NECTIN4: variants seen among roughly 807,000 people sequenced by gnomAD.
The protein encoded by NECTIN4 is nectin cell adhesion molecule 4.
In NECTIN4, 19 loss-of-function variants were observed where a neutral mutation model predicts 51.7. The observed-to-expected ratio is 0.37, with a 90% CI of 0.26 to 0.54. NECTIN4 has a LOEUF of 0.54. Among genes scored for constraint, NECTIN4 ranks in the 20% least tolerant of loss-of-function variants. The pLI is 0.86. For missense variants in NECTIN4, 619 were observed against 662.4 expected (o/e 0.93, Z 0.72); for synonymous variants, 283 against 286.9 (o/e 0.99, Z 0.14).
At chr1:161,079,161 C>G (rs921269630) in intron 2 of NECTIN4, among the ~76,000 whole-genome samples, 3 of 152,182 alleles carry the variant, frequency 2.0e-5, no homozygotes, top group African/African-American at 4.8e-5. Flanking sequence ...TACCATGGAG[C>G]ACAGGATGGT....
At chr1:161,082,024 G>C (rs1653699889) in intron 1 of NECTIN4, among the ~76,000 whole-genome samples, 2 of 152,106 alleles carry the variant, frequency 1.3e-5, no homozygotes, top group Admixed American at 1.3e-4. Flanking sequence ...GAGACAGAAG[G>C]AAAGTGTAGA....
chr1:161,073,034 C>G lies in NECTIN4; in HGVS notation c.1309-149G>C. ...GCATAGGGGCCCAGAGATCGGGGAC[C>G]AGGAACAAGTGTTAGGCATGGGGAG... On this transcript the variant is annotated intron_variant, in intron 8 of 8. Transcript: ENST00000368012. The G allele has an allele frequency of 3.2e-6, 3 of 936,872 alleles. No individual in the cohort carries two copies. The South Asian group carries it at 4.2e-5, about 13-fold the overall frequency. The allele number at this position is 936,872 out of a possible 1,614,324, so 58.0% of individuals were successfully genotyped here. A position where few individuals can be genotyped will look rare whatever the true frequency, so the allele number is the denominator to read the frequency against.
intron 2 of NECTIN4, among the ~76,000 whole-genome samples, chr1:161,079,305 T>A (rs1216065424): frequency 6.6e-6 from 1 of 152,190 alleles, no homozygotes; most frequent in Non-Finnish European, 1.5e-5. Flanking sequence ...GAAAAGAGAA[T>A]AAGCCAGTGC....
chr1:161,078,507 C>A (rs1315120102), intron 2 of NECTIN4, among the ~76,000 whole-genome samples: 1 of 151,752 alleles, frequency 6.6e-6, no homozygotes, highest in East Asian at 1.9e-4. Flanking sequence ...GGGGTTTCAC[C>A]ATGTTGGCCA....
Position 161,079,822 on chromosome 1 carries a change from C to G in NECTIN4, c.207G>C (p.Arg69=). The stretch of plus-strand genomic sequence containing the variant: ...CCTGGGCGCCTTCGCCCGCGTCCAC[C>G]CGAGCCCATGCCACTTGCCCCACTT... ...GEQVGQVAWA[R]VDAGEGAQEL... The change falls in exon 2 of 9, where the codon CGG becomes CGC. Residue 69 remains arginine (R), a synonymous_variant. Coordinates refer to ENST00000368012, the MANE Select transcript of NECTIN4 (RefSeq NM_030916.3). The G allele has an allele frequency of 6.2e-7, 1 of 1,613,782 alleles. No individual in the cohort carries two copies. The highest frequency in any genetic ancestry group is 2.2e-5 in the East Asian group (1 of 44,882).
chr1:161,078,754 G>C (rs1474279142), intron 2 of NECTIN4, among the ~76,000 whole-genome samples: 3 of 151,998 alleles, frequency 2.0e-5, no homozygotes, highest in African/African-American at 7.2e-5. Context: ...GCTCACGCCT[G>C]TAATCCCAGC....
In NECTIN4 at chr1:161,074,759, C is replaced by A. The variant is rs151008073; in HGVS notation, c.852G>T (p.Arg284=). The A allele has an allele frequency of 3.4e-3, 5,527 of 1,613,246 alleles. 11 individuals are homozygous for A. Among genetic ancestry groups the A allele is most frequent in the Non-Finnish European group, 4.1e-3 (4,894 of 1,179,862 alleles). The change falls in exon 5 of 9, where the codon CGG becomes CGT. Residue 284 remains arginine (R), a splice_region_variant and synonymous_variant. Coordinates refer to ENST00000368012, the MANE Select transcript of NECTIN4 (RefSeq NM_030916.3). ...CCCCACTGGGCAGAGGCCCATCCAG[C>A]CTGGAAGACAGGGAAGCTGAAGGGT... is the stretch of plus-strand genomic sequence containing the variant. ...GQPPPSYNWT[R]LDGPLPSGVR... is the part of the protein sequence containing the mutation.
In NECTIN4 at chr1:161,089,289, AG is replaced by A; in HGVS notation, c.7del (p.Leu3CysfsTer38). Reference sequence around the variant, plus strand: ...CCCCCACATCTCGGCTCCCAGGGACAGGGGCATGGTTGAAAGGCAGACTGCC... The same window carrying A: ...CCCCCACATCTCGGCTCCCAGGGACAGGGCATGGTTGAAAGGCAGACTGCC... MP[L>X]SLGAEMWGPE... On this transcript the variant is annotated frameshift_variant, in exon 1 of 9. Coordinates refer to ENST00000368012, the MANE Select transcript of NECTIN4 (RefSeq NM_030916.3). LOFTEE classifies it high-confidence loss of function. The surrounding 1 kb of genome is among the most constrained non-coding windows in gnomAD (Gnocchi z 4.1). The A allele has an allele frequency of 6.2e-7, 1 of 1,609,912 alleles. No individual in the cohort carries two copies.
chr1:161,078,944 G>A (rs997490961), intron 2 of NECTIN4, among the ~76,000 whole-genome samples: 11 of 152,202 alleles, frequency 7.2e-5, no homozygotes, highest in African/African-American at 2.6e-4. Flanking sequence ...CCCGGGAGGC[G>A]GAGCTTGCAG....
chr1:161,080,159 G>C (rs1377393046), intron 1 of NECTIN4, among the ~76,000 whole-genome samples: 1 of 152,194 alleles, frequency 6.6e-6, no homozygotes, highest in Non-Finnish European at 1.5e-5. Context: ...AGGAAACTGA[G>C]ACCCAGAGAG....
At chr1:161,075,905 A>C (rs1653394228) in intron 4 of NECTIN4, among the ~76,000 whole-genome samples, 1 of 151,984 alleles carries the variant, frequency 6.6e-6, no homozygotes, top group Non-Finnish European at 1.5e-5. Context: ...GTAAAACCCC[A>C]TCTCTACTAA....
At chr1:161,085,398 TG>T (rs909014509) in intron 1 of NECTIN4, among the ~76,000 whole-genome samples, 1 of 152,108 alleles carries the variant, frequency 6.6e-6, no homozygotes, top group Non-Finnish European at 1.5e-5. Context: ...AGCCACACTG[TG>T]GGTGGGAGAA....
Position 161,072,780 on chromosome 1 carries a change from C to T in NECTIN4, c.1414G>A (p.Glu472Lys), listed in dbSNP as rs780921374. ...SPGSGRAEEEEDQDEGIKQAM... is the reference protein window; with the variant it reads ...SPGSGRAEEEKDQDEGIKQAM... ...TGTTTGATGCCTTCATCCTGATCTT[C>T]CTCCTCCTCGGCCCGCCCAGAGCCT... is the stretch of plus-strand genomic sequence containing the variant. Residue 472 changes from glutamate to lysine, a missense_variant, in exon 9 of 9, where the codon GAA becomes AAA. Physicochemically the swap from Glu to Lys is moderately conservative, Grantham distance 56. This residue lies in a region of NECTIN4 where 364 missense variants were observed against 415.7 expected (regional missense o/e 0.88). Transcript: ENST00000368012. 2 of 1,614,124 alleles carry T rather than the reference C, an allele frequency of 1.2e-6. No homozygotes were observed. Among genetic ancestry groups the T allele is most frequent in the African/African-American group, 2.7e-5 (2 of 74,940 alleles).
At chr1:161,082,577 G>C (rs574927526) in intron 1 of NECTIN4, among the ~76,000 whole-genome samples, 4 of 152,104 alleles carry the variant, frequency 2.6e-5, no homozygotes, top group Admixed American at 6.5e-5. Context: ...ACAGGAAGGG[G>C]TTCCTGTGGC....
chr1:161,074,708 G>A lies in NECTIN4; in HGVS notation c.903C>T (p.Gly301=), dbSNP rs757085368. 6 of 1,614,038 alleles carry A rather than the reference G, an allele frequency of 3.7e-6. No individual in the cohort carries two copies. Among genetic ancestry groups the A allele is most frequent in the African/African-American group, 1.3e-5 (1 of 74,930 alleles). The change falls in exon 5 of 9, where the codon GGC becomes GGT. Residue 301 remains glycine, a synonymous_variant. Transcript: ENST00000368012. ...SGVRVDGDTL[G]FPPLTTEHSG... ...TGTGCTCAGTGGTCAGTGGGGGAAA[G>A]CCCAAAGTGTCCCCATCCACTCGTA...
In NECTIN4 at chr1:161,089,538, G is replaced by A. The variant is rs963779284; in HGVS notation, c.-242C>T. 26 of 559,208 alleles carry A rather than the reference G, an allele frequency of 4.6e-5. No homozygotes were observed. The Admixed American group carries it at 6.3e-4, about 14-fold the overall frequency. The allele number at this position is 559,208 out of a possible 1,614,324, so 34.6% of individuals were successfully genotyped here. ...GAGCTCCCCCAGAGCTGCTTCCCAC[G>A]CTGTGGCCAACAACGACGGCAGAAA... On this transcript the variant is annotated 5_prime_UTR_variant, in exon 1 of 9. Coordinates refer to ENST00000368012, the MANE Select transcript of NECTIN4 (RefSeq NM_030916.3). This position sits in a 1 kb window ranked among gnomAD's most constrained non-coding sequence, Gnocchi z 4.1.
Position 161,089,408 on chromosome 1 carries a change from T to G in NECTIN4, c.-112A>C. On this transcript the variant is annotated 5_prime_UTR_variant, in exon 1 of 9. Coordinates refer to ENST00000368012, the MANE Select transcript of NECTIN4 (RefSeq NM_030916.3). This position sits in a 1 kb window ranked among gnomAD's most constrained non-coding sequence, Gnocchi z 4.1. ...CAGAAGGCAGGAAGCTGCAGAGTTC[T>G]TGCCTCTCGCACTTGGGTCTCCACT... 9.8e-7 allele frequency: 1 copy of G among 1,018,316 alleles called. No individual in the cohort carries two copies. Among genetic ancestry groups the G allele is most frequent in the Non-Finnish European group, 1.5e-6 (1 of 668,540 alleles). The allele number at this position is 1,018,316 out of a possible 1,614,324, so 63.1% of individuals were successfully genotyped here.
Position 161,077,535 on chromosome 1 carries a change from C to A in NECTIN4, c.648G>T (p.Met216Ile). The change falls in exon 3 of 9, where the codon ATG (methionine) becomes ATT (isoleucine). Residue 216 changes from methionine (M) to isoleucine (I), a missense_variant. Transcript: ENST00000368012. ...SEFHLVPSRSMNGQPLTCVVS... is the reference protein window; with the variant it reads ...SEFHLVPSRSINGQPLTCVVS... ...CCACACAAGTCAGTGGCTGCCCATT[C>A]ATGCTGCGGCTAGGCACCAAGTGGA... 3 of 1,614,092 alleles carry A rather than the reference C, an allele frequency of 1.9e-6. No individual in the cohort carries two copies. The East Asian group carries it at 6.7e-5, about 36-fold the overall frequency.
intron 1 of NECTIN4, among the ~76,000 whole-genome samples, chr1:161,082,995 C>A (rs1653756274): frequency 6.6e-6 from 1 of 152,196 alleles, no homozygotes; most frequent in South Asian, 2.1e-4. Flanking sequence ...TGCCTCCCCA[C>A]CACTAATCAC....
Sources: allele counts gnomAD v4.1 joint callset (sites outside exome capture counted in the v4.1 genomes callset), GRCh38; gene constraint gnomAD v4.1.1; regional missense constraint gnomAD v4.1.1; non-coding constraint Gnocchi (gnomAD v3.1); transcripts MANE v1.5; gene names NCBI Gene and HGNC (gene_info 2026-07-23, HGNC 2026-07-21).